HNRNPK: variants seen among roughly 807,000 people sequenced by gnomAD.
The protein encoded by HNRNPK is heterogeneous nuclear ribonucleoprotein K.
HNRNPK carries 7 observed loss-of-function variants against 67.0 expected under a neutral mutation model. The ratio of observed to expected loss-of-function variants is 0.10; its 90% CI spans 0.06 to 0.20. The LOEUF is 0.20. Among genes scored for constraint, HNRNPK ranks in the 10% least tolerant of loss-of-function variants. The pLI, the probability that HNRNPK is intolerant of heterozygous loss-of-function variation, is 1.00. For synonymous variants in HNRNPK, 213 were observed against 193.7 expected, an observed-to-expected ratio of 1.10 and a Z score of -0.83; for missense variants, 264 against 606.5, an observed-to-expected ratio of 0.44 and a Z score of 5.93.
intron 6 of HNRNPK, 153 bp downstream of exon 6, chr9:83,975,309 G>C: frequency 1.4e-6 from 1 of 703,624 alleles, no homozygotes; most frequent in Non-Finnish European, 2.4e-6. Flanking sequence ...TAAAAGTTCA[G>C]TGACAAAAAG....
At position 83,974,450 on chromosome 9, in the gene HNRNPK, C is replaced by CA; in HGVS notation, c.330+66dup. The CA allele has an allele frequency of 1.3e-5, 10 of 755,332 alleles. No homozygotes were observed. The South Asian group carries it at 1.4e-4, about 11-fold the overall frequency. The allele number at this position is 755,332 out of a possible 1,614,324, so 46.8% of individuals were successfully genotyped here. ...TCTCTCCACCTCCCCCATCATACCCCAATACAACATACTTTAAACATTCCC... is the reference window on the plus strand; with the variant it reads ...TCTCTCCACCTCCCCCATCATACCCCAAATACAACATACTTTAAACATTCCC... On this transcript the variant is annotated intron_variant, in intron 7 of 16. Coordinates refer to ENST00000376263, the MANE Select transcript of HNRNPK (RefSeq NM_031263.4).
Position 83,973,042 on chromosome 9 carries a change from T to C in HNRNPK, c.517-70A>G, listed in dbSNP as rs1455758393. On this transcript the variant is annotated intron_variant, in intron 9 of 16. Coordinates refer to ENST00000376263, the MANE Select transcript of HNRNPK (RefSeq NM_031263.4). The stretch of plus-strand genomic sequence containing the variant: ...TTAGCTTTCCTAGGTTCAGTGAAAA[T>C]TGCATTTGAATTCAACAATTAACCC... 15 of 1,176,570 alleles carry C rather than the reference T, an allele frequency of 1.3e-5. No homozygotes were observed. In the East Asian group the frequency reaches 3.6e-4, roughly 28 times the overall value. 72.9% of individuals were successfully genotyped at this position (1,176,570 alleles called of 1,614,324 possible).
chr9:83,979,531 G>A (rs752744169), intron 1 of HNRNPK, among the ~76,000 whole-genome samples: 1 of 152,002 alleles, frequency 6.6e-6, no homozygotes. Flanking sequence ...CCCGCCTCCC[G>A]GCACCGAGAT....
In HNRNPK at chr9:83,972,968, G is replaced by C. The variant is rs779318160; in HGVS notation, c.521C>G (p.Thr174Ser). The stretch of plus-strand genomic sequence containing the variant: ...CTGGAAAAGCTTGATGGTGGTTTGA[G>C]TGTTCTGTAGTAAGATCATAAAAAA... ...GAKIKELREN[T>S]QTTIKLFQEC... The change falls in exon 10 of 17, where the codon ACT (threonine) becomes AGT (serine). Residue 174 changes from threonine to serine, a missense_variant. Coordinates refer to ENST00000376263, the MANE Select transcript of HNRNPK (RefSeq NM_031263.4). The C allele has an allele frequency of 6.3e-7, 1 of 1,598,348 alleles. No individual in the cohort carries two copies. Among genetic ancestry groups the C allele is most frequent in the Non-Finnish European group, 8.6e-7 (1 of 1,169,312 alleles).
At chr9:83,973,472 A>G (rs1024731864) in intron 8 of HNRNPK, 73 bp from the exon 9 acceptor site, 14 of 846,250 alleles carry the variant, frequency 1.7e-5, no homozygotes, top group African/African-American at 1.5e-4. Flanking sequence ...TGCTATAAGC[A>G]TAACAATAAT....
chr9:83,976,824 C>T (rs990920466), intron 5 of HNRNPK, 171 bp downstream of exon 5: 8 of 470,336 alleles, frequency 1.7e-5, no homozygotes, highest in African/African-American at 1.6e-4. Context: ...TCAATCTGGG[C>T]TTTTGTTAAA....
At chr9:83,971,807 A>G in intron 11 of HNRNPK, 75 bp downstream of exon 11, 3 of 1,590,588 alleles carry the variant, frequency 1.9e-6, no homozygotes, top group Non-Finnish European at 1.7e-6. Flanking sequence ...GTCTACCACT[A>G]AGTGCAGCCT....
intron 4 of HNRNPK, 28 bp downstream of exon 4, chr9:83,977,661 T>C: frequency 7.1e-7 from 1 of 1,418,152 alleles, no homozygotes; most frequent in African/African-American, 1.4e-5. Context: ...ATGAACCACC[T>C]TCAAATTTTC....
chr9:83,979,403 T>C (rs1012225782), intron 1 of HNRNPK, among the ~76,000 whole-genome samples: 3 of 152,158 alleles, frequency 2.0e-5, no homozygotes, highest in Non-Finnish European at 2.9e-5. Context: ...GGCTTATCTG[T>C]AAGAATAACG....
intron 1 of HNRNPK, among the ~76,000 whole-genome samples, chr9:83,979,587 C>A (rs1039158641): frequency 6.6e-6 from 1 of 152,180 alleles, no homozygotes; most frequent in East Asian, 1.9e-4. Context: ...AAGTCGACAG[C>A]AGAAGCACCG....
At position 83,973,222 on chromosome 9, in the gene HNRNPK, G is replaced by C. The variant is rs936011133; in HGVS notation, c.516+64C>G. 4 of 976,312 alleles carry C rather than the reference G, an allele frequency of 4.1e-6. No homozygotes were observed. The Admixed American group carries it at 5.5e-5, about 13-fold the overall frequency. 60.5% of individuals were successfully genotyped at this position (976,312 alleles called of 1,614,324 possible). A position where few individuals can be genotyped will look rare whatever the true frequency, so the allele number is the denominator to read the frequency against. On this transcript the variant is annotated intron_variant, in intron 9 of 16. Coordinates refer to ENST00000376263, the MANE Select transcript of HNRNPK (RefSeq NM_031263.4). ...AGAGGGGAAGCGAGAGAAGCTCACA[G>C]AAACAAGTCTATATGAAAATTTACT...
chr9:83,978,684 G>A (rs1230054945), intron 1 of HNRNPK, among the ~76,000 whole-genome samples: 2 of 152,226 alleles, frequency 1.3e-5, no homozygotes, highest in East Asian at 3.9e-4. Flanking sequence ...ACTGGATTAA[G>A]TCCCACCACA....
At chr9:83,977,347 T>A (rs1270773681) in intron 4 of HNRNPK, among the ~76,000 whole-genome samples, 10 of 152,196 alleles carry the variant, frequency 6.6e-5, no homozygotes, top group Non-Finnish European at 1.3e-4. Context: ...TAATTTAGTA[T>A]TAGTAGGTAC....
chr9:83,974,574 A>G lies in HNRNPK; in HGVS notation c.273T>C (p.Ser91=), dbSNP rs1316442832. 1 of 1,603,848 alleles carries G rather than the reference A, an allele frequency of 6.2e-7. No homozygotes were observed. Among genetic ancestry groups the G allele is most frequent in the African/African-American group, 1.3e-5 (1 of 74,732 alleles). Residue 91 remains serine (S), a synonymous_variant, in exon 7 of 17, where the codon AGT becomes AGC. Coordinates refer to ENST00000376263, the MANE Select transcript of HNRNPK (RefSeq NM_031263.4). ...TTTCTCCAATTGTTTCAATATCAGC[A>G]CTGATACTCAATATGCTGTCAAACA... The part of the protein sequence containing the change: ...SSGPERILSI[S]ADIETIGEIL...
intron 6 of HNRNPK, among the ~76,000 whole-genome samples, chr9:83,974,972 G>A (rs1430250758): frequency 6.6e-6 from 1 of 152,232 alleles, no homozygotes; most frequent in Non-Finnish European, 1.5e-5. Context: ...GGGGGAATAT[G>A]CAAGTGGTGA....
At position 83,969,011 on chromosome 9, in the gene HNRNPK, T is replaced by C. The variant is rs1322630259; in HGVS notation, c.*396A>G. 2.7e-5 allele frequency: 9 copies of C among 332,350 alleles called. No homozygotes were observed. The highest frequency in any genetic ancestry group is 4.5e-5 in the Admixed American group (1 of 22,000). 20.6% of individuals were successfully genotyped at this position (332,350 alleles called of 1,614,324 possible). The stretch of plus-strand genomic sequence containing the variant: ...CAGATGCCAGGGACATGTGGACTAT[T>C]GTTACTTTTCCTCCCTGTCCCACCC... On this transcript the variant is annotated 3_prime_UTR_variant, in exon 17 of 17. Coordinates refer to ENST00000376263, the MANE Select transcript of HNRNPK (RefSeq NM_031263.4).
chr9:83,971,368 AAAAACATTAAC>A lies in HNRNPK; in HGVS notation c.1009-23_1009-13del. ...GCACTGAAACCAACCTGTTAGAGAT[AAAAACATTAAC>A]ATGAACCCGCATTGTATTTTGTTAT... On this transcript the variant is annotated splice_polypyrimidine_tract_variant and intron_variant, in intron 12 of 16. Transcript: ENST00000376263. 6.4e-7 allele frequency: 1 copy of A among 1,555,106 alleles called. No homozygotes were observed.
rs974621552 is a variant in HNRNPK, at chr9:83,974,568, A to G, written c.279T>C (p.Asp93=). The G allele has an allele frequency of 5.6e-6, 9 of 1,604,804 alleles. No individual in the cohort carries two copies. The highest frequency in any genetic ancestry group is 6.8e-6 in the Non-Finnish European group (8 of 1,174,352). The change falls in exon 7 of 17, where the codon GAT becomes GAC. Residue 93 remains aspartate, a synonymous_variant. Coordinates refer to ENST00000376263, the MANE Select transcript of HNRNPK (RefSeq NM_031263.4). ...GPERILSISA[D]IETIGEILKK... ...TCAGAATTTCTCCAATTGTTTCAAT[A>G]TCAGCACTGATACTCAATATGCTGT...
intron 8 of HNRNPK, 148 bp downstream of exon 8, chr9:83,973,754 G>A: frequency 1.6e-6 from 1 of 617,574 alleles, no homozygotes; most frequent in South Asian, 2.1e-5. Context: ...CATGGAGCAG[G>A]GTCAACAGTG....
Sources: allele counts gnomAD v4.1 joint callset (sites outside exome capture counted in the v4.1 genomes callset), GRCh38; gene constraint gnomAD v4.1.1; transcripts MANE v1.5; gene names NCBI Gene and HGNC (gene_info 2026-07-23, HGNC 2026-07-21).